PLCB1: variants seen among roughly 807,000 people sequenced by gnomAD.
The protein encoded by PLCB1 is phospholipase C beta 1, also known as 1-phosphatidylinositol 4,5-bisphosphate phosphodiesterase beta-1.
In PLCB1, 46 loss-of-function variants were observed where a neutral mutation model predicts 161.8. That is an observed-to-expected ratio of 0.28 (90% CI 0.22 to 0.36). The LOEUF is 0.36. Ranked by LOEUF, PLCB1 falls within the 10% of genes least tolerant of loss-of-function variation. PLCB1 has a pLI of 1.00. For missense variants in PLCB1, 1,016 were observed against 1,472.5 expected (o/e 0.69, Z 5.07); for synonymous variants, 517 against 503.7 (o/e 1.03, Z -0.35).
At position 8,801,909 on chromosome 20, in the gene PLCB1, G is replaced by T. The variant is rs1054456830; in HGVS notation, c.3423+11648G>T. 4 of 656,118 alleles carry T rather than the reference G, an allele frequency of 6.1e-6. No homozygotes were observed. In the East Asian group the frequency reaches 8.5e-5, roughly 14 times the overall value. The allele number at this position is 656,118 out of a possible 1,614,324, so 40.6% of individuals were successfully genotyped here. A position where few individuals can be genotyped will look rare whatever the true frequency, so the allele number is the denominator to read the frequency against. ...GTGCCTTGTCACACTGGGGGTGTTG[G>T]AGCAGATAAAGGCAAACAGAGGAGT... On this transcript the variant is annotated intron_variant, in intron 31 of 31. Coordinates refer to ENST00000338037, the MANE Select transcript of PLCB1 (RefSeq NM_015192.4).
chr20:8,656,726 T>A (rs1367577745), intron 7 of PLCB1, among the ~76,000 whole-genome samples: 1 of 151,640 alleles, frequency 6.6e-6, no homozygotes, highest in South Asian at 2.1e-4. Flanking sequence ...ATTTATGTTT[T>A]CATTTTGACT....
At chr20:8,301,276 A>G (rs1031662049) in intron 2 of PLCB1, among the ~76,000 whole-genome samples, 1 of 152,186 alleles carries the variant, frequency 6.6e-6, no homozygotes, top group South Asian at 2.1e-4. Flanking sequence ...TATAGTGCAA[A>G]GAAAAGAAGC....
intron 2 of PLCB1, among the ~76,000 whole-genome samples, chr20:8,340,680 T>C (rs1005281328): frequency 3.9e-5 from 6 of 152,142 alleles, no homozygotes; most frequent in African/African-American, 1.4e-4. Flanking sequence ...CGCCTCGGCC[T>C]CCCAAAGTGC....
In PLCB1 at chr20:8,230,973, C is replaced by T. The variant is rs77734262; in HGVS notation, c.177+80602C>T. On this transcript the variant is annotated intron_variant, in intron 2 of 31. Coordinates refer to ENST00000338037, the MANE Select transcript of PLCB1 (RefSeq NM_015192.4). ...GTAATTTAGTTCCTATGCACCATCA[C>T]CCTCATTGTTCCTTTACCTTGACCA... 9.1e-3 allele frequency among the ~76,000 whole-genome samples: 1,388 copies of T among 152,174 alleles called. 23 individuals carry two copies. The highest frequency in any genetic ancestry group is 0.032 in the African/African-American group (1,336 of 41,520).
intron 2 of PLCB1, among the ~76,000 whole-genome samples, chr20:8,215,603 G>T (rs1001810338): frequency 3.9e-5 from 6 of 152,020 alleles, no homozygotes; most frequent in African/African-American, 1.4e-4. Context: ...TCTCACAACA[G>T]TCCTAGTTTG....
intron 3 of PLCB1, among the ~76,000 whole-genome samples, chr20:8,521,938 T>C (rs1384515900): frequency 6.6e-6 from 1 of 152,234 alleles, no homozygotes; most frequent in African/African-American, 2.4e-5. Context: ...TTTCTTAACA[T>C]CAGATTTTTC....
intron 3 of PLCB1, among the ~76,000 whole-genome samples, chr20:8,514,094 A>AG (rs143824076): frequency 0.087 from 13,252 of 151,998 alleles, 693 homozygotes; most frequent in Middle Eastern, 0.17. Context: ...ATGTAATTAC[A>AG]CACTTAGGGA....
chr20:8,523,398 ATG>A (rs34787623), intron 3 of PLCB1, among the ~76,000 whole-genome samples: 24,335 of 122,256 alleles, frequency 0.2, 2,993 homozygotes, highest in East Asian at 0.57. Context: ...CATAACAAAT[ATG>A]TGTGTGTGTG....
intron 18 of PLCB1, among the ~76,000 whole-genome samples, chr20:8,731,461 CCTGATCCTAATAT>C (rs1980241607): frequency 6.6e-6 from 1 of 151,866 alleles, no homozygotes; most frequent in South Asian, 2.1e-4. Context: ...TTCTCTTCAT[CCTGATCCTAATAT>C]AAGTTTCACT....
chr20:8,764,375 T>C (rs572885594), intron 25 of PLCB1, among the ~76,000 whole-genome samples: 98 of 152,302 alleles, frequency 6.4e-4, no homozygotes, highest in African/African-American at 2.3e-3. Context: ...ACAGTTATTT[T>C]CTAAGCCTCC....
At chr20:8,310,929 C>T (rs183197559) in intron 2 of PLCB1, among the ~76,000 whole-genome samples, 2 of 152,156 alleles carry the variant, frequency 1.3e-5, no homozygotes, top group Non-Finnish European at 2.9e-5. Flanking sequence ...GCATAGTATT[C>T]TATGGTGTAT....
chr20:8,618,507 G>GA (rs901710791), intron 3 of PLCB1, among the ~76,000 whole-genome samples: 32 of 143,134 alleles, frequency 2.2e-4, no homozygotes, highest in Middle Eastern at 3.6e-3. Context: ...CCACAAAAAG[G>GA]AAAAAAAAAA....
chr20:8,375,867 G>T (rs1348190162), intron 3 of PLCB1, among the ~76,000 whole-genome samples: 2 of 143,494 alleles, frequency 1.4e-5, no homozygotes, highest in Non-Finnish European at 3.0e-5. Context: ...CCACCTTACA[G>T]ATTGTAAAAC....
In PLCB1 at chr20:8,565,959, C is replaced by A. The variant is rs560214662; in HGVS notation, c.247-62335C>A. Among the ~76,000 whole-genome samples the A allele has an allele frequency of 2.6e-4, 40 of 152,186 alleles. 1 individual carries two copies. Among genetic ancestry groups the A allele is most frequent in the African/African-American group, 9.6e-4 (40 of 41,550 alleles). ...AGTGACTAAAGCCACCACAGCAGCGCTGGATTCCTCTTCTGAATTTATTCC... is the reference window on the plus strand; with the variant it reads ...AGTGACTAAAGCCACCACAGCAGCGATGGATTCCTCTTCTGAATTTATTCC... On this transcript the variant is annotated intron_variant, in intron 3 of 31. Transcript: ENST00000338037.
chr20:8,243,499 C>T (rs1163244044), intron 2 of PLCB1, among the ~76,000 whole-genome samples: 2 of 151,828 alleles, frequency 1.3e-5, no homozygotes, highest in East Asian at 1.9e-4. Context: ...TATTTTTAGG[C>T]GTCTATAACT....
At chr20:8,207,330 G>A (rs943536746) in intron 2 of PLCB1, among the ~76,000 whole-genome samples, 1 of 152,172 alleles carries the variant, frequency 6.6e-6, no homozygotes, top group African/African-American at 2.4e-5. Flanking sequence ...TATATTATAC[G>A]GAACAATGCA....
At chr20:8,319,649 A>G (rs552515099) in intron 2 of PLCB1, among the ~76,000 whole-genome samples, 195 of 152,256 alleles carry the variant, frequency 1.3e-3, no homozygotes, top group Non-Finnish European at 2.4e-3. Flanking sequence ...GCTATTCACA[A>G]GCTGACTTGG....
intron 2 of PLCB1, among the ~76,000 whole-genome samples, chr20:8,187,536 C>T (rs931425679): frequency 2.0e-5 from 3 of 152,144 alleles, no homozygotes; most frequent in African/African-American, 7.2e-5. Flanking sequence ...ATAGGTCCAT[C>T]GTCTATTTTT....
intron 2 of PLCB1, among the ~76,000 whole-genome samples, chr20:8,331,490 G>T (rs982363382): frequency 3.3e-5 from 5 of 152,144 alleles, no homozygotes; most frequent in African/African-American, 1.2e-4. Flanking sequence ...CTTTTGCAAG[G>T]TTTTGTGGTT....
Sources: gnomAD v4.1 joint callset for allele counts (sites outside exome capture counted in the v4.1 genomes callset) on GRCh38, gnomAD v4.1.1 for gene constraint, MANE v1.5 for transcripts, NCBI Gene and HGNC (gene_info 2026-07-23, HGNC 2026-07-21) for gene names.